The following PITPNM2 variants were observed in gnomAD, a reference collection of about 807,000 sequenced individuals.
The protein encoded by PITPNM2 is phosphatidylinositol transfer protein membrane associated 2.
A neutral mutation model predicts 132.2 loss-of-function variants in PITPNM2; 35 were observed. The ratio of observed to expected loss-of-function variants is 0.26; its 90% CI spans 0.20 to 0.35. The LOEUF (loss-of-function observed/expected upper bound fraction) is 0.35. Ranked by LOEUF, PITPNM2 falls within the 10% of genes least tolerant of loss-of-function variation. The pLI, the probability that PITPNM2 is intolerant of heterozygous loss-of-function variation, is 1.00. For missense variants in PITPNM2, 1,332 were observed against 1,912.0 expected, an observed-to-expected ratio of 0.70 and a Z score of 5.66; for synonymous variants, 738 against 799.2, an observed-to-expected ratio of 0.92 and a Z score of 1.29.
In PITPNM2 at chr12:123,005,485, C is replaced by G; in HGVS notation, c.707G>C (p.Gly236Ala). The G allele has an allele frequency of 6.2e-7, 1 of 1,614,010 alleles. No individual in the cohort carries two copies. The highest frequency in any genetic ancestry group is 8.5e-7 in the Non-Finnish European group (1 of 1,180,020). Residue 236 changes from glycine to alanine, a missense_variant, in exon 7 of 26, where the codon GGG (glycine) becomes GCG (alanine). Coordinates refer to ENST00000320201, the MANE Select transcript of PITPNM2 (RefSeq NM_020845.3). This position sits in a 1 kb window ranked among gnomAD's most constrained non-coding sequence, Gnocchi z 6.2. ...CTCCCGGATGTTCTCCATGCTCAGC[C>G]CATACCACTCGTCCTGCCAGCACCA... ...QAWCWQDEWY[G>A]LSMENIRELE...
At chr12:123,132,249 T>C (rs981896926) in intron 1 of PITPNM2, among the ~76,000 whole-genome samples, 2 of 152,214 alleles carry the variant, frequency 1.3e-5, no homozygotes, top group African/African-American at 4.8e-5. Flanking sequence ...ATGTCATTCA[T>C]ACGCAGTGAC....
chr12:123,055,541 A>C (rs1396318184), intron 2 of PITPNM2, among the ~76,000 whole-genome samples: 2 of 152,132 alleles, frequency 1.3e-5, no homozygotes, highest in Non-Finnish European at 2.9e-5. Context: ...ATAAAACCCA[A>C]CTCAGTGACA....
At chr12:123,012,812 T>C (rs1272130341) in intron 4 of PITPNM2, 78 bp from the exon 5 acceptor site, 2 of 1,557,236 alleles carry the variant, frequency 1.3e-6, no homozygotes, top group Non-Finnish European at 1.7e-6. Context: ...GTTGACCCAC[T>C]GGGTAGGAGT....
rs2136093132 is a variant in PITPNM2, at chr12:122,992,787, G to T, written c.2234-118C>A. The T allele has an allele frequency of 1.4e-6, 1 of 718,750 alleles. No individual in the cohort carries two copies. The highest frequency in any genetic ancestry group is 2.9e-5 in the East Asian group (1 of 34,194). The allele number at this position is 718,750 out of a possible 1,614,324, so 44.5% of individuals were successfully genotyped here. ...GCTGAAAGTTAGGGATAAGATGGGG[G>T]GTGTGTCTCTATCAATTTGGGACCT... On this transcript the variant is annotated intron_variant, in intron 15 of 25. Coordinates refer to ENST00000320201, the MANE Select transcript of PITPNM2 (RefSeq NM_020845.3). This position sits in a 1 kb window ranked among gnomAD's most constrained non-coding sequence, Gnocchi z 6.5.
intron 2 of PITPNM2, among the ~76,000 whole-genome samples, chr12:123,051,861 G>C (rs2040865749): frequency 6.6e-6 from 1 of 150,904 alleles, no homozygotes. Flanking sequence ...AGGTTAGTGG[G>C]AACCAGCAGG....
intron 1 of PITPNM2, among the ~76,000 whole-genome samples, chr12:123,148,557 G>T (rs1388131854): frequency 6.6e-6 from 1 of 152,112 alleles, no homozygotes; most frequent in East Asian, 1.9e-4. Context: ...GGTTAGGAGA[G>T]CATCTATCTG....
At position 122,994,974 on chromosome 12, in the gene PITPNM2, T is replaced by C; in HGVS notation, c.2060A>G (p.His687Arg). The C allele has an allele frequency of 6.2e-7, 1 of 1,604,508 alleles. No individual in the cohort carries two copies. Among genetic ancestry groups the C allele is most frequent in the Non-Finnish European group, 8.5e-7 (1 of 1,177,264 alleles). The change falls in exon 15 of 26, where the codon CAT becomes CGT. Residue 687 changes from histidine (H) to arginine (R), a missense_variant. This residue lies in a region of PITPNM2 where 710 missense variants were observed against 911.5 expected (regional missense o/e 0.78). Transcript: ENST00000320201. This position sits in a 1 kb window ranked among gnomAD's most constrained non-coding sequence, Gnocchi z 5.4. ...QQHQAFLSSL[H>R]ASVLRTEPCS... is the part of the protein sequence containing the mutation. The stretch of plus-strand genomic sequence containing the variant: ...GGGCTCAGTCCTCAGCACGCTGGCA[T>C]GGAGGCTGCAGACCCAAATAAGACT...
In PITPNM2 at chr12:123,009,370, A is replaced by G. The variant is rs914460845; in HGVS notation, c.643+480T>C. On this transcript the variant is annotated intron_variant, in intron 6 of 25. Coordinates refer to ENST00000320201, the MANE Select transcript of PITPNM2 (RefSeq NM_020845.3). This position sits in a 1 kb window ranked among gnomAD's most constrained non-coding sequence, Gnocchi z 4.8. ...GGCTGGTGTGGGTGTGAAGGCCACTATGATGTCTGAGACACCCTGCTCCTG... is the reference window on the plus strand; with the variant it reads ...GGCTGGTGTGGGTGTGAAGGCCACTGTGATGTCTGAGACACCCTGCTCCTG... 2.0e-5 allele frequency among the ~76,000 whole-genome samples: 3 copies of G among 152,156 alleles called. No homozygotes were observed. The highest frequency in any genetic ancestry group is 2.4e-5 in the African/African-American group (1 of 41,428).
rs2040287988 is a variant in PITPNM2, at chr12:123,036,923, C to A, written c.-95-2238G>T. Among the ~76,000 whole-genome samples, 1 of 152,246 alleles carries A rather than the reference C, an allele frequency of 6.6e-6. No individual in the cohort carries two copies. Among genetic ancestry groups the A allele is most frequent in the Non-Finnish European group, 1.5e-5 (1 of 68,042 alleles). On this transcript the variant is annotated intron_variant, in intron 2 of 25. Coordinates refer to ENST00000320201, the MANE Select transcript of PITPNM2 (RefSeq NM_020845.3). The surrounding 1 kb of genome is among the most constrained non-coding windows in gnomAD (Gnocchi z 4.1). Reference sequence around the variant, plus strand: ...ACCCCAAAGCTCCCCAGAGGCTGTGCTCAAGTGAAAAAAGACCATTGCTGA... The same window carrying A: ...ACCCCAAAGCTCCCCAGAGGCTGTGATCAAGTGAAAAAAGACCATTGCTGA...
In PITPNM2 at chr12:123,000,873, G is replaced by T. The variant is rs1200236570; in HGVS notation, c.1154-25C>A. 1.2e-6 allele frequency: 2 copies of T among 1,613,794 alleles called. No homozygotes were observed. The highest frequency in any genetic ancestry group is 1.1e-5 in the South Asian group (1 of 91,052). The stretch of plus-strand genomic sequence containing the variant: ...TCTGCAAAGACACAGAAGCCGTGCT[G>T]TGAGCTGAGGGGCAGCCCAACCTGG... On this transcript the variant is annotated intron_variant, in intron 9 of 25. Transcript: ENST00000320201. This position sits in a 1 kb window ranked among gnomAD's most constrained non-coding sequence, Gnocchi z 5.4.
chr12:123,010,937 G>C lies in PITPNM2; in HGVS notation c.416-860C>G, dbSNP rs140463202. Reference sequence around the variant, plus strand: ...AGGGGCAGATGCCACAGAGGTAGGAGTGCAGAAAACAGGCTTAGGGGCTGA... The same window carrying C: ...AGGGGCAGATGCCACAGAGGTAGGACTGCAGAAAACAGGCTTAGGGGCTGA... On this transcript the variant is annotated intron_variant, in intron 5 of 25. Coordinates refer to ENST00000320201, the MANE Select transcript of PITPNM2 (RefSeq NM_020845.3). Among the ~76,000 whole-genome samples the C allele has an allele frequency of 2.4e-3, 366 of 152,364 alleles. 1 individual carries two copies. In the South Asian group the frequency reaches 0.027, roughly 11 times the overall value.
intron 2 of PITPNM2, among the ~76,000 whole-genome samples, chr12:123,047,158 C>T (rs1453766275): frequency 4.6e-5 from 7 of 152,162 alleles, no homozygotes; most frequent in Non-Finnish European, 1.5e-5. Context: ...TGTATTGATG[C>T]GTGAAAGGTG....
chr12:123,028,757 G>A (rs151143039), intron 3 of PITPNM2, among the ~76,000 whole-genome samples: 3 of 152,274 alleles, frequency 2.0e-5, no homozygotes, highest in Non-Finnish European at 2.9e-5. Context: ...CCCAGGAACC[G>A]CAGGTTAGAA....
chr12:123,060,825 A>T (rs2041210750), intron 2 of PITPNM2, among the ~76,000 whole-genome samples: 1 of 152,202 alleles, frequency 6.6e-6, no homozygotes. Flanking sequence ...AGGTTGACAT[A>T]GGTGGGGTCA....
intron 2 of PITPNM2, 146 bp from the exon 3 acceptor site, chr12:123,034,831 G>A: frequency 2.0e-6 from 1 of 493,386 alleles, no homozygotes; most frequent in Non-Finnish European, 3.6e-6. Flanking sequence ...CTTTGAGCAG[G>A]TTCTCTCCTT....
chr12:123,137,905 A>AG (rs1555300228), intron 1 of PITPNM2, among the ~76,000 whole-genome samples: 57 of 150,198 alleles, frequency 3.8e-4, no homozygotes, highest in African/African-American at 8.8e-4. Flanking sequence ...AAAAAAAAAA[A>AG]AAGAAGAAGA....
chr12:123,067,441 G>A (rs1385697925), intron 2 of PITPNM2, among the ~76,000 whole-genome samples: 1 of 146,378 alleles, frequency 6.8e-6, no homozygotes, highest in African/African-American at 2.5e-5. Flanking sequence ...GGGAGACAAG[G>A]GTGAAACTCC....
chr12:123,066,370 C>T (rs2041413894), intron 2 of PITPNM2, among the ~76,000 whole-genome samples: 1 of 152,158 alleles, frequency 6.6e-6, no homozygotes, highest in South Asian at 2.1e-4. Flanking sequence ...TGTAGATGCC[C>T]TGAAGACTGA....
rs751857984 is a variant in PITPNM2, at chr12:123,108,208, C to T, written c.-96+2177G>A. 6.6e-6 allele frequency among the ~76,000 whole-genome samples: 1 copy of T among 152,178 alleles called. No homozygotes were observed. Among genetic ancestry groups the T allele is most frequent in the South Asian group, 2.1e-4 (1 of 4,830 alleles). ...ATGGTCCCTGGTGCAAACTAAGTAA[C>T]AATAAATACTTTATGGACAAATGAG... is the stretch of plus-strand genomic sequence containing the variant. On this transcript the variant is annotated intron_variant, in intron 2 of 25. Transcript: ENST00000320201. This position sits in a 1 kb window ranked among gnomAD's most constrained non-coding sequence, Gnocchi z 4.4.
Sources: allele counts gnomAD v4.1 joint callset (sites outside exome capture counted in the v4.1 genomes callset), GRCh38; gene constraint gnomAD v4.1.1; regional missense constraint gnomAD v4.1.1; non-coding constraint Gnocchi (gnomAD v3.1); transcripts MANE v1.5; gene names NCBI Gene and HGNC (gene_info 2026-07-23, HGNC 2026-07-21).